Variants in CNOT6 observed in about 807,000 individuals in gnomAD.
CNOT6 encodes the protein carbon catabolite repression 4 protein.
CNOT6 carries 12 observed loss-of-function variants against 61.2 expected under a neutral mutation model. The observed-to-expected ratio is 0.20, with a 90% CI of 0.13 to 0.32. The LOEUF (loss-of-function observed/expected upper bound fraction) is 0.32. CNOT6 is among the 10% of genes least tolerant of loss of function. The probability of loss-of-function intolerance (pLI) is 1.00; values close to 1 mark genes in which losing one functional copy is unlikely to be tolerated. For synonymous variants in CNOT6, 225 were observed against 240.6 expected (o/e 0.94, Z 0.60); for missense variants, 405 against 663.9 (o/e 0.61, Z 4.28).
intron 1 of CNOT6, among the ~76,000 whole-genome samples, 192 bp downstream of exon 1, chr5:180,494,955 CCCCCGGGCCGAGT>C (rs1432701285): frequency 6.6e-6 from 1 of 151,296 alleles, no homozygotes; most frequent in Non-Finnish European, 1.5e-5. Context: ...CCGGGCCGCG[CCCCCGGGCCGAGT>C]CCCTGGGAGG....
chr5:180,537,490 G>A (rs937807927), intron 2 of CNOT6, among the ~76,000 whole-genome samples: 1 of 151,798 alleles, frequency 6.6e-6, no homozygotes, highest in African/African-American at 2.4e-5. Context: ...CTATTGTTCA[G>A]TTTTAAGAGT....
chr5:180,541,756 A>T (rs1759058020), intron 2 of CNOT6, among the ~76,000 whole-genome samples: 1 of 151,284 alleles, frequency 6.6e-6, no homozygotes, highest in South Asian at 2.1e-4. Context: ...CCGGCCAGAG[A>T]AATTTTTTTT....
intron 1 of CNOT6, among the ~76,000 whole-genome samples, chr5:180,516,305 G>A (rs1309221531): frequency 6.0e-5 from 9 of 149,006 alleles, no homozygotes; most frequent in African/African-American, 2.0e-4. Context: ...CTCAGCCTCC[G>A]AGTAGCTGGG....
In CNOT6 at chr5:180,564,751, G is replaced by C; in HGVS notation, c.559+8G>C. Reference sequence around the variant, plus strand: ...ATAGGACAAGGCCAACTGGTTGGTAGTCTTTTATTTTTTAACTGTTATTTT... The same window carrying C: ...ATAGGACAAGGCCAACTGGTTGGTACTCTTTTATTTTTTAACTGTTATTTT... On this transcript the variant is annotated splice_region_variant and intron_variant, in intron 6 of 11. Transcript: ENST00000261951. 1 of 1,606,846 alleles carries C rather than the reference G, an allele frequency of 6.2e-7. No individual in the cohort carries two copies. Among genetic ancestry groups the C allele is most frequent in the Non-Finnish European group, 8.5e-7 (1 of 1,173,852 alleles).
chr5:180,495,673 G>C (rs1300248499), intron 1 of CNOT6: 1 of 152,210 alleles, frequency 6.6e-6, no homozygotes, highest in African/African-American at 2.4e-5. Context: ...CATTGTTAGT[G>C]CTGAATCTTC....
chr5:180,510,411 A>G (rs766047862), intron 1 of CNOT6, among the ~76,000 whole-genome samples: 2 of 152,146 alleles, frequency 1.3e-5, no homozygotes, highest in Admixed American at 1.3e-4. Context: ...GTTTGAAGTG[A>G]GAGTAGAAGT....
chr5:180,556,964 A>T (rs1351191156), intron 4 of CNOT6, among the ~76,000 whole-genome samples: 1 of 152,208 alleles, frequency 6.6e-6, no homozygotes, highest in Non-Finnish European at 1.5e-5. Context: ...TCAAAAAAAA[A>T]AAAAAAGAAT....
intron 10 of CNOT6, 68 bp downstream of exon 10, chr5:180,569,408 C>G: frequency 1.6e-6 from 2 of 1,230,690 alleles, no homozygotes; most frequent in Non-Finnish European, 2.3e-6. Context: ...TGTTTTGTTT[C>G]TGATCATTCC....
rs756489493 is a variant in CNOT6, at chr5:180,535,988, G to GTTTT, written c.112+6626_112+6629dup. ...TCATGTTCTTTGCCCACTTATTAGG[G>GTTTT]TTTTTTTTTTTTTTTTTTTTTTTTT... On this transcript the variant is annotated intron_variant, in intron 2 of 11. Coordinates refer to ENST00000261951, the MANE Select transcript of CNOT6 (RefSeq NM_001370472.1). 2.6e-4 allele frequency among the ~76,000 whole-genome samples: 16 copies of GTTTT among 62,444 alleles called. 2 individuals carry two copies. The highest frequency in any genetic ancestry group is 2.7e-4 in the Non-Finnish European group (10 of 36,812). The allele number at this position is 62,444 out of a possible 152,430, so 41.0% of individuals were successfully genotyped here.
Position 180,571,410 on chromosome 5 carries a change from C to T in CNOT6, c.1439C>T (p.Thr480Met). ...TATGAGAGTGGCCTGATGCCTTACA[C>T]GAATTACACATTTGATTTCAAGGTG... is the stretch of plus-strand genomic sequence containing the variant. The part of the protein sequence containing the change: ...SAYESGLMPY[T>M]NYTFDFKGII... Residue 480 changes from threonine to methionine, a missense_variant, in exon 11 of 12, where the codon ACG becomes ATG. Around this residue, in one of 5 missense-constraint regions of CNOT6, gnomAD observed 116 missense variants for 184.6 expected, o/e 0.63. Coordinates refer to ENST00000261951, the MANE Select transcript of CNOT6 (RefSeq NM_001370472.1). The T allele has an allele frequency of 1.2e-6, 2 of 1,613,742 alleles. No individual in the cohort carries two copies. Among genetic ancestry groups the T allele is most frequent in the African/African-American group, 1.3e-5 (1 of 75,036 alleles).
In CNOT6 at chr5:180,575,923, C is replaced by G. The variant is rs1276234400; in HGVS notation, c.*1723C>G. On this transcript the variant is annotated 3_prime_UTR_variant, in exon 12 of 12. Transcript: ENST00000261951. ...TTTTTTTCTCCTTTTAGAAAATTCT[C>G]CAAAAGGTTTTGATGTTGAATCTTG... 1 of 151,852 alleles carries G rather than the reference C, an allele frequency of 6.6e-6. No individual in the cohort carries two copies. The highest frequency in any genetic ancestry group is 6.6e-5 in the Admixed American group (1 of 15,210). The allele number at this position is 151,852 out of a possible 1,614,324, so 9.4% of individuals were successfully genotyped here.
chr5:180,560,592 A>G (rs991622730), intron 4 of CNOT6, among the ~76,000 whole-genome samples: 4 of 151,918 alleles, frequency 2.6e-5, no homozygotes, highest in Non-Finnish European at 2.9e-5. Context: ...CGTCATTCCA[A>G]TTTGTTTTTC....
In CNOT6 at chr5:180,553,375, T is replaced by G; in HGVS notation, c.300-11T>G. On this transcript the variant is annotated splice_polypyrimidine_tract_variant and intron_variant, in intron 3 of 11. Transcript: ENST00000261951. ...TATTTTTCTGACTTCCTGGAATTTT[T>G]ACATCAACAGGGAGCTCCATTTAAA... is the stretch of plus-strand genomic sequence containing the variant. 6.2e-7 allele frequency: 1 copy of G among 1,605,230 alleles called. No individual in the cohort carries two copies. The highest frequency in any genetic ancestry group is 8.5e-7 in the Non-Finnish European group (1 of 1,174,382).
At chr5:180,495,383 T>A (rs1358168873) in intron 1 of CNOT6, 1 of 152,286 alleles carries the variant, frequency 6.6e-6, no homozygotes, top group Admixed American at 6.5e-5. Context: ...CAGTTTTCTC[T>A]GGTAACCCAA....
chr5:180,561,677 A>C (rs1760195867), intron 4 of CNOT6, among the ~76,000 whole-genome samples: 1 of 152,184 alleles, frequency 6.6e-6, no homozygotes, highest in South Asian at 2.1e-4. Context: ...TGGAGGTAGA[A>C]GTTCAGGTTC....
At chr5:180,558,216 C>T (rs899280283) in intron 4 of CNOT6, among the ~76,000 whole-genome samples, 3 of 152,116 alleles carry the variant, frequency 2.0e-5, no homozygotes, top group Non-Finnish European at 4.4e-5. Flanking sequence ...TTTGTCAGGA[C>T]GTGGTCCACA....
intron 6 of CNOT6, 146 bp from the exon 7 acceptor site, chr5:180,565,674 C>T: frequency 1.6e-6 from 1 of 641,308 alleles, no homozygotes; most frequent in East Asian, 2.9e-5. Context: ...TATTTATCCC[C>T]CATATGTGGC....
chr5:180,577,433 A>ATAT lies in CNOT6; in HGVS notation c.*3233_*3234insTAT, dbSNP rs763038468. On this transcript the variant is annotated 3_prime_UTR_variant, in exon 12 of 12. Transcript: ENST00000261951. ...CTTGTAAGGTTTTGGGGTCATATATAAGGACTAAAGCCAAGCTAGGCAAAA... is the reference window on the plus strand; with the variant it reads ...CTTGTAAGGTTTTGGGGTCATATATATATAGGACTAAAGCCAAGCTAGGCAAAA... 6.5e-5 allele frequency: 10 copies of ATAT among 152,750 alleles called. No individual in the cohort carries two copies. Among genetic ancestry groups the ATAT allele is most frequent in the Non-Finnish European group, 1.2e-4 (8 of 68,032 alleles). 9.5% of individuals were successfully genotyped at this position (152,750 alleles called of 1,614,324 possible).
At chr5:180,528,484 T>C (rs1332562698) in intron 1 of CNOT6, among the ~76,000 whole-genome samples, 4 of 151,990 alleles carry the variant, frequency 2.6e-5, no homozygotes, top group Non-Finnish European at 5.9e-5. Context: ...CTAATTTTTT[T>C]TTTTGTATTT....
Sources: allele counts gnomAD v4.1 joint callset (sites outside exome capture counted in the v4.1 genomes callset), GRCh38; gene constraint gnomAD v4.1.1; regional missense constraint gnomAD v4.1.1; transcripts MANE v1.5; gene names NCBI Gene and HGNC (gene_info 2026-07-23, HGNC 2026-07-21).